The following ZNF560 variants were observed in gnomAD, a reference collection of about 807,000 sequenced individuals.
The protein encoded by ZNF560 is zinc finger protein 560.
ZNF560 carries 54 observed loss-of-function variants against 81.8 expected under a neutral mutation model. That is an observed-to-expected ratio of 0.66 (90% CI 0.53 to 0.83). The LOEUF (loss-of-function observed/expected upper bound fraction) is 0.83, where lower values mean the gene tolerates loss of function less well. Ranked by LOEUF, ZNF560 falls within the 40% of genes least tolerant of loss-of-function variation. The pLI is 0.00. For missense variants in ZNF560, 940 were observed against 932.4 expected (o/e 1.01, Z -0.11); for synonymous variants, 321 against 317.9 (o/e 1.01, Z -0.10).
chr19:9,487,905 C>T (rs1291712691), intron 2 of ZNF560, among the ~76,000 whole-genome samples: 4 of 152,110 alleles, frequency 2.6e-5, no homozygotes, highest in Admixed American at 6.6e-5. Context: ...GAACCTGGAA[C>T]GAAGACATCT....
At chr19:9,449,449 T>C in the ZNF560 span, among the ~76,000 whole-genome samples, 2 of 152,074 alleles carry the variant, frequency 1.3e-5, no homozygotes, top group Non-Finnish European at 2.9e-5. Context: ...TCTTTGAAAT[T>C]AATGAAGGCA....
intron 2 of ZNF560, among the ~76,000 whole-genome samples, chr19:9,489,550 C>T (rs2144722453): frequency 6.6e-6 from 1 of 152,328 alleles, no homozygotes; most frequent in South Asian, 2.1e-4. Flanking sequence ...GTGCTCTTCA[C>T]TTCCCAGACA....
the ZNF560 span, among the ~76,000 whole-genome samples, chr19:9,505,977 ACTTTCTTT>A: frequency 3.5e-4 from 53 of 150,020 alleles, no homozygotes; most frequent in African/African-American, 6.9e-4. Context: ...ATTCATATTT[ACTTTCTTT>A]CTTTCTTTCT....
chr19:9,498,417 T>A (rs1279662729), intron 1 of ZNF560, 121 bp downstream of exon 1: 2 of 152,300 alleles, frequency 1.3e-5, no homozygotes, highest in African/African-American at 2.4e-5. Context: ...CCGCGACTCC[T>A]GCGGACTCCT....
In ZNF560 at chr19:9,466,631, C is replaced by T; in HGVS notation, c.2316G>A (p.Gln772=). 1 of 1,612,268 alleles carries T rather than the reference C, an allele frequency of 6.2e-7. No individual in the cohort carries two copies. The highest frequency in any genetic ancestry group is 8.5e-7 in the Non-Finnish European group (1 of 1,178,852). ...HMGEKPFECD[Q]CGKAFASFSA... ...AGAAAGAAGCAAAGGCTTTCCCACA[C>T]TGGTCACATTCAAAGGGTTTCTCTC... The change falls in exon 10 of 10, where the codon CAG becomes CAA. Residue 772 remains glutamine, a synonymous_variant. Transcript: ENST00000301480.
chr19:9,482,392 G>A (rs1568460391), intron 2 of ZNF560, among the ~76,000 whole-genome samples: 1 of 149,536 alleles, frequency 6.7e-6, no homozygotes, highest in African/African-American at 2.5e-5. Context: ...CCTGCACATT[G>A]TACGCATGTA....
the ZNF560 span, among the ~76,000 whole-genome samples, chr19:9,506,476 T>A: frequency 4.5e-4 from 69 of 151,948 alleles, 1 homozygote; most frequent in East Asian, 0.013. Context: ...ACACTTATAA[T>A]TTTTATTGAT....
Position 9,467,790 on chromosome 19 carries a change from G to A in ZNF560, c.1157C>T (p.Thr386Ile). 1 of 1,614,210 alleles carries A rather than the reference G, an allele frequency of 6.2e-7. No individual in the cohort carries two copies. Among genetic ancestry groups the A allele is most frequent in the Non-Finnish European group, 8.5e-7 (1 of 1,180,030 alleles). ...ATGTTCAAGAAAGCCTGACGGCACA[G>A]TGAAGGTTTTGCCACAGTGCTTACA... ...YKCKHCGKTF[T>I]VPSGFLEHVR... The change falls in exon 10 of 10, where the codon ACT becomes ATT. Residue 386 changes from threonine (T) to isoleucine (I), a missense_variant. Coordinates refer to ENST00000301480, the MANE Select transcript of ZNF560 (RefSeq NM_152476.3).
upstream of ZNF560, among the ~76,000 whole-genome samples, chr19:9,502,362 C>G (rs1355861258): frequency 6.6e-6 from 1 of 151,738 alleles, no homozygotes; most frequent in East Asian, 2.0e-4. Flanking sequence ...CAGGTGCATA[C>G]CACCACGCCC....
chr19:9,465,114 C>T (rs1348934042), downstream of ZNF560, among the ~76,000 whole-genome samples: 1 of 149,820 alleles, frequency 6.7e-6, no homozygotes. Context: ...CCCAAGGAAA[C>T]AGTGAAAGCT....
intron 3 of ZNF560, 109 bp downstream of exon 3, chr19:9,475,174 GA>G: frequency 1.8e-6 from 2 of 1,137,178 alleles, no homozygotes; most frequent in Non-Finnish European, 2.6e-6. Context: ...GTGCTTGAGT[GA>G]GTCTTTATTT....
At chr19:9,489,300 G>C (rs938876699) in intron 2 of ZNF560, among the ~76,000 whole-genome samples, 1 of 151,538 alleles carries the variant, frequency 6.6e-6, no homozygotes, top group Non-Finnish European at 1.5e-5. Context: ...GCCGGTTAGA[G>C]GCACTCCTCA....
At position 9,474,244 on chromosome 19, in the gene ZNF560, A is replaced by G. The variant is rs374772582; in HGVS notation, c.112T>C (p.Tyr38His). The G allele has an allele frequency of 9.3e-6, 15 of 1,614,034 alleles. No homozygotes were observed. The highest frequency in any genetic ancestry group is 2.7e-5 in the African/African-American group (2 of 74,918). ...TAATTCTCCAGCATCACATCTCTGT[A>G]TAAGTTTCTCTGAACTGGGTCCAGT... ...ILLDPVQRNL[Y>H]RDVMLENYEN... Residue 38 changes from tyrosine to histidine, a missense_variant, in exon 4 of 10, where the codon TAC becomes CAC. Coordinates refer to ENST00000301480, the MANE Select transcript of ZNF560 (RefSeq NM_152476.3).
At chr19:9,455,166 G>C in the ZNF560 span, among the ~76,000 whole-genome samples, 2 of 152,280 alleles carry the variant, frequency 1.3e-5, no homozygotes, top group South Asian at 2.1e-4. Flanking sequence ...AGATCAACAG[G>C]GGAATGTTAT....
Position 9,467,085 on chromosome 19 carries a change from C to T in ZNF560, c.1862G>A (p.Arg621Lys), listed in dbSNP as rs775205901. 2 of 1,613,832 alleles carry T rather than the reference C, an allele frequency of 1.2e-6. No homozygotes were observed. Among genetic ancestry groups the T allele is most frequent in the East Asian group, 4.5e-5 (2 of 44,834 alleles). ...ERSDLTKHLR[R>K]HTGDKPYEYK... ...TTCATAGGGCTTATCTCCAGTGTGT[C>T]TTCGTAAATGTTTAGTAAGATCTGA... Residue 621 changes from arginine (R) to lysine (K), a missense_variant, in exon 10 of 10, where the codon AGA becomes AAA. Physicochemically the swap from Arg to Lys is conservative, Grantham distance 26. Transcript: ENST00000301480.
In ZNF560 at chr19:9,469,101, T is replaced by G; in HGVS notation, c.612+4A>C. Reference sequence around the variant, plus strand: ...AAATAAGAAAGTTCTTTTGTTAATCTTACCAACTGTATCCCATTTAATGTT... The same window carrying G: ...AAATAAGAAAGTTCTTTTGTTAATCGTACCAACTGTATCCCATTTAATGTT... On this transcript the variant is annotated splice_donor_region_variant and intron_variant, in intron 9 of 9. Transcript: ENST00000301480. 2 of 1,580,226 alleles carry G rather than the reference T, an allele frequency of 1.3e-6. No individual in the cohort carries two copies. Among genetic ancestry groups the G allele is most frequent in the Non-Finnish European group, 1.7e-6 (2 of 1,162,284 alleles).
upstream of ZNF560, among the ~76,000 whole-genome samples, chr19:9,499,613 C>T (rs2073615154): frequency 6.6e-6 from 1 of 152,200 alleles, no homozygotes; most frequent in African/African-American, 2.4e-5. Context: ...ACCAGGCATT[C>T]TTCACTTATT....
chr19:9,463,749 C>G (rs951665503), downstream of ZNF560, among the ~76,000 whole-genome samples: 1 of 152,234 alleles, frequency 6.6e-6, no homozygotes. Context: ...ATGGCACGAT[C>G]TGAGCTCACT....
chr19:9,456,388 G>C, the ZNF560 span, among the ~76,000 whole-genome samples: 1 of 152,180 alleles, frequency 6.6e-6, no homozygotes, highest in Non-Finnish European at 1.5e-5. Context: ...ATCTACCTCT[G>C]TTCCTTAAAA....
Sources: allele counts gnomAD v4.1 joint callset (sites outside exome capture counted in the v4.1 genomes callset), GRCh38; gene constraint gnomAD v4.1.1; transcripts MANE v1.5; gene names NCBI Gene and HGNC (gene_info 2026-07-23, HGNC 2026-07-21).